Variants in ITGA9 observed in about 807,000 individuals in gnomAD.
ITGA9 encodes the protein integrin subunit alpha 9.
ITGA9 carries 56 observed loss-of-function variants against 127.8 expected under a neutral mutation model. The ratio of observed to expected loss-of-function variants is 0.44; its 90% CI spans 0.35 to 0.55. The LOEUF (loss-of-function observed/expected upper bound fraction) is 0.55. ITGA9 is among the 20% of genes least tolerant of loss of function. The probability of loss-of-function intolerance (pLI) is 0.00; values close to 1 mark genes in which losing one functional copy is unlikely to be tolerated. For synonymous variants in ITGA9, 508 were observed against 514.5 expected (o/e 0.99, Z 0.17); for missense variants, 1,196 against 1,347.1 (o/e 0.89, Z 1.76).
At chr3:37,493,277 C>T (rs1193426941) in intron 4 of ITGA9, among the ~76,000 whole-genome samples, 4 of 152,302 alleles carry the variant, frequency 2.6e-5, no homozygotes, top group South Asian at 2.1e-4. Context: ...CAGGAAGTGG[C>T]ACTGTGTTGC....
intron 17 of ITGA9, among the ~76,000 whole-genome samples, chr3:37,682,528 A>G (rs1414285692): frequency 2.6e-5 from 4 of 151,984 alleles, no homozygotes; most frequent in Non-Finnish European, 4.4e-5. Flanking sequence ...GTGAGTCCTC[A>G]TTTCTATCTA....
At chr3:37,567,416 T>A (rs920091553) in intron 15 of ITGA9, among the ~76,000 whole-genome samples, 3 of 152,138 alleles carry the variant, frequency 2.0e-5, no homozygotes, top group Non-Finnish European at 4.4e-5. Context: ...AGCCAAGCCA[T>A]ATCATTCCGC....
chr3:37,750,909 G>C (rs953613264), intron 23 of ITGA9, among the ~76,000 whole-genome samples: 12 of 152,270 alleles, frequency 7.9e-5, no homozygotes, highest in Admixed American at 5.9e-4. Flanking sequence ...CACAGGGAAA[G>C]TGCCTGCAGT....
At chr3:37,688,806 G>A (rs928800) in intron 18 of ITGA9, among the ~76,000 whole-genome samples, 104,058 of 152,100 alleles carry the variant, frequency 0.68, 36,658 homozygotes, top group African/African-American at 0.86. Flanking sequence ...CAGAATAGAT[G>A]GATGGATGGA....
intron 11 of ITGA9, among the ~76,000 whole-genome samples, chr3:37,519,805 G>C (rs948968686): frequency 6.6e-6 from 1 of 152,252 alleles, no homozygotes; most frequent in Non-Finnish European, 1.5e-5. Context: ...TTAGGACTCT[G>C]CGCTTGCGCC....
chr3:37,522,790 G>A (rs1699057626), intron 11 of ITGA9, among the ~76,000 whole-genome samples: 1 of 152,086 alleles, frequency 6.6e-6, no homozygotes. Context: ...AGATGCTAGT[G>A]TGTCCCATGG....
At chr3:37,579,810 C>T (rs1413155835) in intron 15 of ITGA9, among the ~76,000 whole-genome samples, 1 of 152,082 alleles carries the variant, frequency 6.6e-6, no homozygotes, top group Non-Finnish European at 1.5e-5. Context: ...AGCCAGGGGC[C>T]CACATGTTGG....
intron 17 of ITGA9, among the ~76,000 whole-genome samples, chr3:37,670,422 C>T (rs1384335768): frequency 1.3e-5 from 2 of 152,166 alleles, no homozygotes; most frequent in East Asian, 3.9e-4. Context: ...TGTTCTTAAC[C>T]TGGAGTCTAT....
chr3:37,802,532 G>T (rs1029059112), intron 26 of ITGA9, among the ~76,000 whole-genome samples: 2 of 152,202 alleles, frequency 1.3e-5, no homozygotes, highest in Non-Finnish European at 2.9e-5. Flanking sequence ...GAGAATGACT[G>T]CCCAGAGCTG....
intron 1 of ITGA9, among the ~76,000 whole-genome samples, chr3:37,461,288 G>A (rs1238280009): frequency 6.6e-6 from 1 of 152,206 alleles, no homozygotes; most frequent in Admixed American, 6.5e-5. Context: ...TCCAGCATTA[G>A]CCCTGCCCTC....
intron 1 of ITGA9, 60 bp from the exon 2 acceptor site, chr3:37,470,947 C>T (rs938715097): frequency 3.8e-6 from 6 of 1,593,706 alleles, no homozygotes; most frequent in Non-Finnish European, 5.2e-6. Context: ...AATACTTAGC[C>T]ATCTGCCTCC....
chr3:37,477,902 C>T (rs948511400), intron 3 of ITGA9, among the ~76,000 whole-genome samples: 29 of 149,934 alleles, frequency 1.9e-4, no homozygotes, highest in African/African-American at 6.6e-4. Flanking sequence ...TTCAGTGCTT[C>T]CCATCTGTCC....
At chr3:37,595,582 G>A (rs1380157460) in intron 15 of ITGA9, among the ~76,000 whole-genome samples, 1 of 152,208 alleles carries the variant, frequency 6.6e-6, no homozygotes, top group Non-Finnish European at 1.5e-5. Context: ...CACTGGGAAT[G>A]CTGGTAACAG....
At chr3:37,687,213 T>C (rs1230513869) in intron 18 of ITGA9, among the ~76,000 whole-genome samples, 1 of 152,064 alleles carries the variant, frequency 6.6e-6, no homozygotes, top group Non-Finnish European at 1.5e-5. Flanking sequence ...AAAATAAATG[T>C]TATGGATGGG....
At chr3:37,492,012 C>T (rs868535786) in intron 4 of ITGA9, among the ~76,000 whole-genome samples, 1 of 152,202 alleles carries the variant, frequency 6.6e-6, no homozygotes, top group African/African-American at 2.4e-5. Flanking sequence ...AATCCAATAA[C>T]ACCCACTAAC....
At chr3:37,470,868 C>A in intron 1 of ITGA9, 139 bp from the exon 2 acceptor site, 1 of 839,106 alleles carries the variant, frequency 1.2e-6, no homozygotes, top group Non-Finnish European at 2.0e-6. Context: ...CTCCCCCAAG[C>A]CCACACAGAA....
chr3:37,560,354 A>G (rs530896907), intron 15 of ITGA9, among the ~76,000 whole-genome samples: 2 of 152,192 alleles, frequency 1.3e-5, no homozygotes, highest in African/African-American at 2.4e-5. Flanking sequence ...TCTATCATTG[A>G]TGGACATTTG....
chr3:37,563,858 C>T (rs1241189491), intron 15 of ITGA9, among the ~76,000 whole-genome samples: 3 of 152,192 alleles, frequency 2.0e-5, no homozygotes, highest in African/African-American at 7.2e-5. Context: ...AGTGGCAGTG[C>T]TCCAGCTGAT....
intron 17 of ITGA9, among the ~76,000 whole-genome samples, chr3:37,667,660 G>A (rs1700598825): frequency 6.6e-6 from 1 of 152,226 alleles, no homozygotes; most frequent in Non-Finnish European, 1.5e-5. Context: ...CTCAGGCATT[G>A]ATGTGGGGTA....
Sources: allele counts gnomAD v4.1 joint callset (sites outside exome capture counted in the v4.1 genomes callset), GRCh38; gene constraint gnomAD v4.1.1; transcripts MANE v1.5; gene names NCBI Gene and HGNC (gene_info 2026-07-23, HGNC 2026-07-21).